SDCCAG8: variants seen among roughly 807,000 people sequenced by gnomAD.
The protein encoded by SDCCAG8 is serologically defined colon cancer antigen 8.
Under a neutral mutation model 101.8 loss-of-function variants are expected in SDCCAG8, and 74 were observed. The observed-to-expected ratio is 0.73, with a 90% CI of 0.60 to 0.88. SDCCAG8 has a LOEUF of 0.88. SDCCAG8 is among the 40% of genes least tolerant of loss of function. The pLI is 0.00. For synonymous variants in SDCCAG8, 281 were observed against 292.9 expected, an observed-to-expected ratio of 0.96 and a Z score of 0.41; for missense variants, 787 against 822.6, an observed-to-expected ratio of 0.96 and a Z score of 0.53.
At chr1:243,316,619 G>T (rs891361114) in intron 8 of SDCCAG8, 136 bp from the exon 9 acceptor site, 78 of 1,010,540 alleles carry the variant, frequency 7.7e-5, no homozygotes, top group Non-Finnish European at 1.1e-4. Context: ...TTTCTCTGGG[G>T]TGTGCTTTAT....
rs1211115639 is a variant in SDCCAG8 at position 243,431,488 on chromosome 1, G to T, written c.1985+4930G>T. Reference sequence around the variant, plus strand: ...TGGGGTTGAGATGGCCTGGGTTTGGGATGAGATCAAGCGTTACGTTTTGGC... The same window carrying T: ...TGGGGTTGAGATGGCCTGGGTTTGGTATGAGATCAAGCGTTACGTTTTGGC... On this transcript the variant is annotated intron_variant, in intron 16 of 17. Transcript: ENST00000366541. Among the ~76,000 whole-genome samples the T allele has an allele frequency of 2.0e-5, 3 of 152,198 alleles. No homozygotes were observed. In the East Asian group the frequency reaches 5.8e-4, roughly 29 times the overall value.
At chr1:243,382,586 C>G (rs1294074125) in intron 13 of SDCCAG8, among the ~76,000 whole-genome samples, 1 of 152,104 alleles carries the variant, frequency 6.6e-6, no homozygotes, top group Non-Finnish European at 1.5e-5. Flanking sequence ...TGTCCCTTTA[C>G]AGAAAAGTGT....
chr1:243,260,917 C>T (rs1190091809), intron 1 of SDCCAG8, among the ~76,000 whole-genome samples: 1 of 152,182 alleles, frequency 6.6e-6, no homozygotes, highest in African/African-American at 2.4e-5. Context: ...CTTACTTTTG[C>T]TTTGCTGACA....
chr1:243,388,698 C>CAAA (rs11296139), intron 13 of SDCCAG8, among the ~76,000 whole-genome samples: 4 of 134,336 alleles, frequency 3.0e-5, no homozygotes, highest in Non-Finnish European at 4.8e-5. Flanking sequence ...CCAGCTCTAC[C>CAAA]AAAAAAAAAA....
At chr1:243,269,552 A>T (rs1357330339) in intron 1 of SDCCAG8, among the ~76,000 whole-genome samples, 1 of 152,080 alleles carries the variant, frequency 6.6e-6, no homozygotes, top group African/African-American at 2.4e-5. Flanking sequence ...CGGGGCTGCC[A>T]CTATAAGCAC....
chr1:243,345,616 G>A (rs2075658421), intron 12 of SDCCAG8, among the ~76,000 whole-genome samples: 1 of 152,044 alleles, frequency 6.6e-6, no homozygotes, highest in Non-Finnish European at 1.5e-5. Context: ...TTGGCCTTTC[G>A]TATTATTCTA....
intron 9 of SDCCAG8, among the ~76,000 whole-genome samples, chr1:243,319,441 T>C (rs2073560456): frequency 6.6e-6 from 1 of 152,194 alleles, no homozygotes. Context: ...TGGCGCAATC[T>C]CAGCTCACTG....
chr1:243,310,808 A>G (rs1347173659), intron 8 of SDCCAG8, among the ~76,000 whole-genome samples: 1 of 152,218 alleles, frequency 6.6e-6, no homozygotes, highest in Non-Finnish European at 1.5e-5. Context: ...AAGAATAGAA[A>G]TCAGTGAGCA....
chr1:243,403,639 C>T (rs1191871765), intron 13 of SDCCAG8, among the ~76,000 whole-genome samples: 1 of 143,026 alleles, frequency 7.0e-6, no homozygotes, highest in Non-Finnish European at 1.5e-5. Flanking sequence ...GGAGCAGCAG[C>T]ATCATTGGAT....
chr1:243,307,628 A>T (rs2072286078), intron 7 of SDCCAG8: 1 of 985,102 alleles, frequency 1.0e-6, no homozygotes, highest in Admixed American at 6.2e-5. Flanking sequence ...TTTTTAAGGA[A>T]AATGATTTGG....
intron 16 of SDCCAG8, among the ~76,000 whole-genome samples, chr1:243,445,640 C>G (rs927936965): frequency 1.3e-5 from 2 of 152,022 alleles, no homozygotes; most frequent in Admixed American, 1.3e-4. Context: ...TGTCATTTGC[C>G]CTGGATAAAC....
At position 243,270,075 on chromosome 1, in the gene SDCCAG8, G is replaced by A. The variant is rs186881037; in HGVS notation, c.68-30G>A. ...CCGTTTGGTCAACCAGACTCCATGG[G>A]TCCTAACTTTCGTCAGGTTGTTCTT... On this transcript the variant is annotated intron_variant, in intron 1 of 17. Transcript: ENST00000366541. 8.7e-5 allele frequency: 140 copies of A among 1,614,094 alleles called. No individual in the cohort carries two copies. The African/African-American group carries it at 1.7e-3, about 20-fold the overall frequency.
At chr1:243,495,588 G>A (rs540519646) in intron 17 of SDCCAG8, among the ~76,000 whole-genome samples, 9 of 152,314 alleles carry the variant, frequency 5.9e-5, no homozygotes, top group South Asian at 2.1e-4. Context: ...CGGAGGGGAC[G>A]AGGCCCCTCA....
intron 13 of SDCCAG8, among the ~76,000 whole-genome samples, chr1:243,389,202 T>C (rs1015656351): frequency 6.8e-6 from 1 of 146,536 alleles, no homozygotes; most frequent in African/African-American, 2.5e-5. Flanking sequence ...TGATTTTTCC[T>C]CTAAGAAATG....
At chr1:243,414,127 C>T (rs947314349) in intron 13 of SDCCAG8, among the ~76,000 whole-genome samples, 12 of 152,014 alleles carry the variant, frequency 7.9e-5, no homozygotes, top group Non-Finnish European at 1.5e-4. Context: ...TATCTTTGTA[C>T]GATGTACACA....
intron 11 of SDCCAG8, 100 bp downstream of exon 11, chr1:243,341,273 T>C: frequency 7.3e-7 from 1 of 1,367,666 alleles, no homozygotes; most frequent in Admixed American, 2.0e-5. Context: ...CAGGAGGAAG[T>C]TTGGAGTAGA....
intron 12 of SDCCAG8, among the ~76,000 whole-genome samples, chr1:243,355,342 C>G (rs1397198205): frequency 6.9e-6 from 1 of 144,572 alleles, no homozygotes; most frequent in Non-Finnish European, 1.5e-5. Flanking sequence ...CTCTCTCTCT[C>G]TGTCCCCTAC....
intron 7 of SDCCAG8, chr1:243,306,551 C>G (rs1251572958): frequency 6.6e-6 from 1 of 152,076 alleles, no homozygotes; most frequent in Non-Finnish European, 1.5e-5. Flanking sequence ...TTCTTTTCAA[C>G]TTTCTTTTTA....
intron 1 of SDCCAG8, chr1:243,268,158 G>A: frequency 3.3e-6 from 2 of 611,678 alleles, no homozygotes; most frequent in South Asian, 1.9e-5. Flanking sequence ...AATCACCAAC[G>A]GTGCAATGCT....
Sources: gnomAD v4.1 joint callset for allele counts (sites outside exome capture counted in the v4.1 genomes callset) on GRCh38, gnomAD v4.1.1 for gene constraint, MANE v1.5 for transcripts, NCBI Gene and HGNC (gene_info 2026-07-23, HGNC 2026-07-21) for gene names.